The following BBS9 variants were observed in gnomAD, a reference collection of about 807,000 sequenced individuals.
BBS9 encodes the protein protein PTHB1.
Under a neutral mutation model 117.7 loss-of-function variants are expected in BBS9, and 89 were observed. The ratio of observed to expected loss-of-function variants is 0.76; its 90% CI spans 0.64 to 0.90. The LOEUF (loss-of-function observed/expected upper bound fraction) is 0.90, where lower values mean the gene tolerates loss of function less well. Among genes scored for constraint, BBS9 ranks in the 40% least tolerant of loss-of-function variants. The pLI, the probability that BBS9 is intolerant of heterozygous loss-of-function variation, is 0.00. For synonymous variants in BBS9, 379 were observed against 370.9 expected (o/e 1.02, Z -0.25); for missense variants, 982 against 1,042.2 (o/e 0.94, Z 0.80).
intron 9 of BBS9, among the ~76,000 whole-genome samples, chr7:33,310,568 G>A (rs1305870862): frequency 1.3e-5 from 2 of 152,170 alleles, no homozygotes; most frequent in Non-Finnish European, 2.9e-5. Flanking sequence ...AGGATAACAG[G>A]CATTAAAAGG....
At chr7:33,346,190 A>G (rs761805779) in intron 12 of BBS9, 2 of 449,208 alleles carry the variant, frequency 4.5e-6, no homozygotes, top group South Asian at 1.7e-5. Context: ...ACAAATTTCT[A>G]CTATAAATCT....
chr7:33,383,771 T>C lies in BBS9; in HGVS notation c.1895T>C (p.Phe632Ser), dbSNP rs959168118. 1 of 1,612,870 alleles carries C rather than the reference T, an allele frequency of 6.2e-7. No individual in the cohort carries two copies. Among genetic ancestry groups the C allele is most frequent in the Non-Finnish European group, 8.5e-7 (1 of 1,179,824 alleles). The change falls in exon 18 of 23, where the codon TTT (phenylalanine) becomes TCT (serine). Residue 632 changes from phenylalanine to serine, a missense_variant. Physicochemically the swap from Phe to Ser is radical, Grantham distance 155. Coordinates refer to ENST00000242067, the MANE Select transcript of BBS9 (RefSeq NM_198428.3). ...EYFEKQGVKD[F>S]ACSFSGSIPL... ...TTTGAAAAACAGGGAGTCAAAGATT[T>C]TGCATGTTCTTTTTCGGGATCTATA...
Position 33,598,245 on chromosome 7 carries a change from CCTT to C in BBS9, c.2522-6616_2522-6614del, listed in dbSNP as rs1344516113. On this transcript the variant is annotated intron_variant, in intron 21 of 22. Coordinates refer to ENST00000242067, the MANE Select transcript of BBS9 (RefSeq NM_198428.3). ...AGAGTTTATGGGAAAAAAAAAAAAACCTTCTTTAAAAAAATTTCCCCAGTGTAA... is the reference window on the plus strand; with the variant it reads ...AGAGTTTATGGGAAAAAAAAAAAAACCTTTAAAAAAATTTCCCCAGTGTAA... Among the ~76,000 whole-genome samples, 155 of 149,992 alleles carry C rather than the reference CCTT, an allele frequency of 1.0e-3. 1 individual carries two copies. The highest frequency in any genetic ancestry group is 3.7e-3 in the African/African-American group (152 of 40,902).
intron 19 of BBS9, among the ~76,000 whole-genome samples, chr7:33,460,896 C>T (rs1013285833): frequency 6.6e-6 from 1 of 152,040 alleles, no homozygotes; most frequent in African/African-American, 2.4e-5. Context: ...TTCATTAACC[C>T]ATTTCCCTAG....
intron 5 of BBS9, among the ~76,000 whole-genome samples, chr7:33,227,940 G>A (rs530533647): frequency 6.6e-6 from 1 of 152,130 alleles, no homozygotes; most frequent in South Asian, 2.1e-4. Context: ...ATGACCATGT[G>A]TGCACATGTG....
At chr7:33,219,321 G>T (rs1029751815) in intron 5 of BBS9, among the ~76,000 whole-genome samples, 3 of 152,204 alleles carry the variant, frequency 2.0e-5, no homozygotes, top group African/African-American at 7.2e-5. Flanking sequence ...GCTCCACCGC[G>T]GCCGGTCCCA....
At chr7:33,357,285 T>C (rs1203843849) in intron 15 of BBS9, among the ~76,000 whole-genome samples, 1 of 151,740 alleles carries the variant, frequency 6.6e-6, no homozygotes, top group African/African-American at 2.4e-5. Context: ...ATAAAGGTAA[T>C]ATTCTACATA....
intron 20 of BBS9, among the ~76,000 whole-genome samples, chr7:33,506,208 A>T (rs2392242): frequency 0.23 from 34,690 of 152,092 alleles, 4,786 homozygotes; most frequent in Admixed American, 0.37. Flanking sequence ...TTTTCAGGAA[A>T]GGATTATTTA....
At chr7:33,362,143 G>A (rs1820737460) in intron 16 of BBS9, among the ~76,000 whole-genome samples, 1 of 152,056 alleles carries the variant, frequency 6.6e-6, no homozygotes, top group Non-Finnish European at 1.5e-5. Flanking sequence ...TATAGTATAT[G>A]TTCTTTTTCA....
At chr7:33,279,538 G>T (rs1266619348) in intron 9 of BBS9, among the ~76,000 whole-genome samples, 9 of 152,168 alleles carry the variant, frequency 5.9e-5, no homozygotes, top group Admixed American at 5.2e-4. Flanking sequence ...TTTCTTTTCA[G>T]TGAATAAGAA....
At position 33,430,321 on chromosome 7, in the gene BBS9, C is replaced by CTT. The variant is rs1834252376; in HGVS notation, c.2115+42178_2115+42179dup. ...AAAGAAGATCCCAGACTTCATAGGA[C>CTT]TTAGGTTCTACTAAACATTTTTCTT... On this transcript the variant is annotated intron_variant, in intron 19 of 22. Transcript: ENST00000242067. 3.3e-5 allele frequency among the ~76,000 whole-genome samples: 5 copies of CTT among 152,144 alleles called. No individual in the cohort carries two copies. The South Asian group carries it at 1.0e-3, about 32-fold the overall frequency.
chr7:33,240,526 T>TA (rs1253286682), intron 5 of BBS9, among the ~76,000 whole-genome samples: 1 of 152,194 alleles, frequency 6.6e-6, no homozygotes, highest in Non-Finnish European at 1.5e-5. Context: ...GTTCTGGGAT[T>TA]ACAGGCGTGT....
intron 17 of BBS9, among the ~76,000 whole-genome samples, chr7:33,368,939 G>T (rs1336080893): frequency 6.6e-6 from 1 of 152,076 alleles, no homozygotes; most frequent in Admixed American, 6.5e-5. Context: ...TAACAACTCT[G>T]AGAAGAAAGA....
At chr7:33,327,148 A>G (rs1398028306) in intron 9 of BBS9, among the ~76,000 whole-genome samples, 1 of 152,140 alleles carries the variant, frequency 6.6e-6, no homozygotes, top group East Asian at 1.9e-4. Flanking sequence ...CCTGGAACTC[A>G]GTTTCCTACC....
At chr7:33,597,794 A>G (rs1563426017) in intron 21 of BBS9, among the ~76,000 whole-genome samples, 1 of 151,834 alleles carries the variant, frequency 6.6e-6, no homozygotes. Context: ...CTTGATATCT[A>G]CTACATGAAA....
intron 21 of BBS9, among the ~76,000 whole-genome samples, chr7:33,590,324 G>A (rs1861633426): frequency 6.6e-6 from 1 of 152,006 alleles, no homozygotes; most frequent in African/African-American, 2.4e-5. Flanking sequence ...CATGAAAGTG[G>A]GGTCAAGAGA....
chr7:33,433,637 C>T (rs1834861800), intron 19 of BBS9, among the ~76,000 whole-genome samples: 1 of 152,100 alleles, frequency 6.6e-6, no homozygotes, highest in African/African-American at 2.4e-5. Context: ...TGTCAAGAAC[C>T]CTCTGGATCA....
chr7:33,241,853 A>G (rs1205652440), intron 5 of BBS9, among the ~76,000 whole-genome samples: 1 of 152,134 alleles, frequency 6.6e-6, no homozygotes, highest in Non-Finnish European at 1.5e-5. Context: ...CCTTAAACAG[A>G]AAGTGTAATA....
intron 9 of BBS9, among the ~76,000 whole-genome samples, chr7:33,295,058 GGCATA>G (rs1420289156): frequency 6.6e-6 from 1 of 151,862 alleles, no homozygotes; most frequent in Non-Finnish European, 1.5e-5. Flanking sequence ...AGTTAGAATG[GGCATA>G]TTGAACATTT....
Sources: allele counts gnomAD v4.1 joint callset (sites outside exome capture counted in the v4.1 genomes callset), GRCh38; gene constraint gnomAD v4.1.1; transcripts MANE v1.5; gene names NCBI Gene and HGNC (gene_info 2026-07-23, HGNC 2026-07-21).